TAX1BP1: variants seen among roughly 807,000 people sequenced by gnomAD.
The protein encoded by TAX1BP1 is tax1-binding protein 1.
Under a neutral mutation model 97.7 loss-of-function variants are expected in TAX1BP1, and 62 were observed. That is an observed-to-expected ratio of 0.63 (90% CI 0.52 to 0.78). The LOEUF is 0.78. TAX1BP1 is among the 30% of genes least tolerant of loss of function. The pLI is 0.00. For synonymous variants in TAX1BP1, 340 were observed against 304.2 expected (o/e 1.12, Z -1.23); for missense variants, 867 against 916.1 (o/e 0.95, Z 0.69).
chr7:27,749,625 T>C (rs1787951608), intron 2 of TAX1BP1, among the ~76,000 whole-genome samples: 1 of 152,208 alleles, frequency 6.6e-6, no homozygotes, highest in Admixed American at 6.5e-5. Context: ...ATTTTGGCAT[T>C]TAATGACTTA....
intron 13 of TAX1BP1, among the ~76,000 whole-genome samples, chr7:27,807,583 A>G (rs1005009167): frequency 1.3e-5 from 2 of 152,134 alleles, no homozygotes; most frequent in East Asian, 3.8e-4. Flanking sequence ...ATCCTTCTCA[A>G]TACTGGTGAT....
At chr7:27,779,407 G>T (rs1789161875) in intron 5 of TAX1BP1, among the ~76,000 whole-genome samples, 2 of 152,114 alleles carry the variant, frequency 1.3e-5, no homozygotes, top group South Asian at 4.1e-4. Flanking sequence ...GCTGTTTTTG[G>T]ATTAAGTGTA....
intron 2 of TAX1BP1, among the ~76,000 whole-genome samples, chr7:27,752,586 T>G (rs1326948043): frequency 2.0e-5 from 3 of 152,170 alleles, no homozygotes; most frequent in Admixed American, 6.5e-5. Context: ...AAGTCCAGGT[T>G]GGGTAGGGAA....
intron 8 of TAX1BP1, among the ~76,000 whole-genome samples, chr7:27,788,623 A>C (rs1055967972): frequency 6.6e-6 from 1 of 152,000 alleles, no homozygotes; most frequent in Non-Finnish European, 1.5e-5. Flanking sequence ...TTTTTGCTGC[A>C]TATTATGCAT....
At chr7:27,754,731 C>T (rs946880374) in intron 2 of TAX1BP1, among the ~76,000 whole-genome samples, 1 of 152,006 alleles carries the variant, frequency 6.6e-6, no homozygotes, top group African/African-American at 2.4e-5. Context: ...CGCCACCACG[C>T]CCGGCTAATT....
chr7:27,814,187 A>G (rs907951863), intron 13 of TAX1BP1, among the ~76,000 whole-genome samples: 1 of 151,432 alleles, frequency 6.6e-6, no homozygotes, highest in Non-Finnish European at 1.5e-5. Context: ...CCAGTCTTGA[A>G]TTACTACAGT....
intron 8 of TAX1BP1, among the ~76,000 whole-genome samples, chr7:27,789,246 T>G (rs1789606652): frequency 6.6e-6 from 1 of 152,036 alleles, no homozygotes; most frequent in African/African-American, 2.4e-5. Flanking sequence ...ATGTTATAAA[T>G]TTGTAATATA....
intron 5 of TAX1BP1, among the ~76,000 whole-genome samples, chr7:27,777,955 G>C (rs6963125): frequency 3.3e-5 from 5 of 152,228 alleles, no homozygotes; most frequent in African/African-American, 1.2e-4. Flanking sequence ...ATCTTGGCAC[G>C]ATTTTAGTTG....
chr7:27,799,292 C>T (rs189180588), intron 12 of TAX1BP1, among the ~76,000 whole-genome samples: 1 of 152,270 alleles, frequency 6.6e-6, no homozygotes, highest in East Asian at 1.9e-4. Context: ...TCACATTGAA[C>T]AAAATGTTCC....
In TAX1BP1 at chr7:27,796,350, T is replaced by G. The variant is rs368267050; in HGVS notation, c.1638+131T>G. The G allele has an allele frequency of 1.7e-4, 132 of 781,300 alleles. No individual in the cohort carries two copies. In the Middle Eastern group the frequency reaches 4.3e-3, roughly 25 times the overall value. The allele number at this position is 781,300 out of a possible 1,614,324, so 48.4% of individuals were successfully genotyped here. The stretch of plus-strand genomic sequence containing the variant: ...CATATAGTGTTACTTAGTTTCACTT[T>G]GGCTTTTGGGATGATGAGGTGGGCG... On this transcript the variant is annotated intron_variant, in intron 12 of 16. Transcript: ENST00000396319.
At position 27,794,433 on chromosome 7, in the gene TAX1BP1, A is replaced by G; in HGVS notation, c.1521A>G (p.Pro507=). The G allele has an allele frequency of 6.2e-7, 1 of 1,607,342 alleles. No homozygotes were observed. The highest frequency in any genetic ancestry group is 8.5e-7 in the Non-Finnish European group (1 of 1,176,800). ...CTGCCTCTACTGTAGATGTAAAGCC[A>G]TCACCTTCTGCAGGTAAAAATCTTT... The part of the protein sequence containing the change: ...ATSASTVDVK[P]SPSAAEADFD... Residue 507 remains proline, a synonymous_variant, in exon 11 of 17, where the codon CCA becomes CCG. Transcript: ENST00000396319.
At position 27,827,746 on chromosome 7, in the gene TAX1BP1, G is replaced by A; in HGVS notation, c.2094G>A (p.Glu698=). 6.2e-7 allele frequency: 1 copy of A among 1,613,226 alleles called. No individual in the cohort carries two copies. The highest frequency in any genetic ancestry group is 2.2e-5 in the East Asian group (1 of 44,854). The change falls in exon 16 of 17, where the codon GAG becomes GAA. Residue 698 remains glutamate, a synonymous_variant. Coordinates refer to ENST00000396319, the MANE Select transcript of TAX1BP1 (RefSeq NM_006024.7). ...LEDSEDSKED[E]NVPTAPDPPS... is the part of the protein sequence containing the mutation. Reference sequence around the variant, plus strand: ...AATTATTTTTCCCCTAGGAAGATGAGAATGTGCCTACTGCTCCTGATCCTC... The same window carrying A: ...AATTATTTTTCCCCTAGGAAGATGAAAATGTGCCTACTGCTCCTGATCCTC...
chr7:27,795,900 A>G (rs1789913434), intron 11 of TAX1BP1, among the ~76,000 whole-genome samples: 1 of 152,230 alleles, frequency 6.6e-6, no homozygotes, highest in African/African-American at 2.4e-5. Flanking sequence ...TTATTATTGA[A>G]TGCGAACTTG....
In TAX1BP1 at chr7:27,793,214, T is replaced by C; in HGVS notation, c.1410+2T>C. The C allele has an allele frequency of 6.4e-7, 1 of 1,567,634 alleles. No individual in the cohort carries two copies. The highest frequency in any genetic ancestry group is 8.6e-7 in the Non-Finnish European group (1 of 1,167,786). On this transcript the variant is annotated splice_donor_variant, in intron 10 of 16. Transcript: ENST00000396319. LOFTEE classifies it high-confidence loss of function. ...ATAAACAAACTTTCAGATCAATCAG[T>C]AAGTATCATTAAATTTACACATAGT... is the stretch of plus-strand genomic sequence containing the variant.
intron 15 of TAX1BP1, among the ~76,000 whole-genome samples, chr7:27,820,160 A>T (rs755122655): frequency 4.6e-5 from 7 of 152,188 alleles, no homozygotes; most frequent in Non-Finnish European, 1.0e-4. Context: ...CCCTTAATTC[A>T]TATCTTACTT....
At chr7:27,763,925 T>C (rs574031448) in intron 3 of TAX1BP1, among the ~76,000 whole-genome samples, 159 of 152,364 alleles carry the variant, frequency 1.0e-3, no homozygotes, top group African/African-American at 3.6e-3. Flanking sequence ...AGTAAGTTTT[T>C]AGTAGCTATT....
At chr7:27,795,768 G>A (rs1789904361) in intron 11 of TAX1BP1, among the ~76,000 whole-genome samples, 1 of 152,108 alleles carries the variant, frequency 6.6e-6, no homozygotes, top group Non-Finnish European at 1.5e-5. Context: ...TAGCCAGGAT[G>A]GTCTCGATCT....
At chr7:27,758,420 C>G (rs536805116) in intron 3 of TAX1BP1, 1 of 209,036 alleles carries the variant, frequency 4.8e-6, no homozygotes, top group African/African-American at 2.3e-5. Context: ...AGTGAGAAAA[C>G]AATACAATAG....
At chr7:27,789,776 C>T (rs1026967727) in intron 8 of TAX1BP1, among the ~76,000 whole-genome samples, 6 of 151,894 alleles carry the variant, frequency 4.0e-5, no homozygotes, top group Admixed American at 6.5e-5. Flanking sequence ...ATACCTAAAA[C>T]GTCAGAAGCG....
Sources: allele counts gnomAD v4.1 joint callset (sites outside exome capture counted in the v4.1 genomes callset), GRCh38; gene constraint gnomAD v4.1.1; transcripts MANE v1.5; gene names NCBI Gene and HGNC (gene_info 2026-07-23, HGNC 2026-07-21).